Variants in ZFPL1 observed in about 807,000 individuals in gnomAD.
ZFPL1 encodes the protein zinc finger protein-like 1.
Under a neutral mutation model 32.0 loss-of-function variants are expected in ZFPL1, and 28 were observed. The ratio of observed to expected loss-of-function variants is 0.87; its 90% CI spans 0.65 to 1.20. The LOEUF is 1.20. ZFPL1 is among the 50% of genes most tolerant of loss of function. The pLI is 0.00. For synonymous variants in ZFPL1, 165 were observed against 177.0 expected (o/e 0.93, Z 0.54); for missense variants, 386 against 424.8 (o/e 0.91, Z 0.80).
intron 5 of ZFPL1, 22 bp downstream of exon 5, chr11:65,086,814 C>T (rs199991849): frequency 6.2e-7 from 1 of 1,614,116 alleles, no homozygotes. Context: ...CTTCCACCGA[C>T]TGTTTGGGCT....
In ZFPL1 at chr11:65,084,236, G is replaced by A; in HGVS notation, c.-151G>A. 3 of 582,482 alleles carry A rather than the reference G, an allele frequency of 5.2e-6. No homozygotes were observed. 36.1% of individuals were successfully genotyped at this position (582,482 alleles called of 1,614,324 possible). A position where few individuals can be genotyped will look rare whatever the true frequency, so the allele number is the denominator to read the frequency against. ...CCGCACCCGGAAGAGACGTGGCAGCGGAGGGATAATCGGGGCGGCCGGGGC... is the reference window on the plus strand; with the variant it reads ...CCGCACCCGGAAGAGACGTGGCAGCAGAGGGATAATCGGGGCGGCCGGGGC... On this transcript the variant is annotated 5_prime_UTR_variant, in exon 1 of 8. Coordinates refer to ENST00000294258, the MANE Select transcript of ZFPL1 (RefSeq NM_006782.4).
chr11:65,085,282 C>T (rs752291317), intron 3 of ZFPL1, 56 bp downstream of exon 3: 8 of 1,515,936 alleles, frequency 5.3e-6, no homozygotes, highest in East Asian at 2.3e-5. Flanking sequence ...AGCTTGGTGA[C>T]TGGTTTCCAG....
At position 65,084,703 on chromosome 11, in the gene ZFPL1, G is replaced by A; in HGVS notation, c.5G>A (p.Gly2Glu). The change falls in exon 2 of 8, where the codon GGG (glycine) becomes GAG (glutamate). Residue 2 changes from glycine to glutamate, a missense_variant. Gly to Glu is a moderately conservative substitution (Grantham distance 98, BLOSUM62 -2). Transcript: ENST00000294258. Reference sequence around the variant, plus strand: ...GCCCCTTTCCCAGGATCGATCATGGGGCTTTGTAAGTGCCCCAAGAGAAAG... The same window carrying A: ...GCCCCTTTCCCAGGATCGATCATGGAGCTTTGTAAGTGCCCCAAGAGAAAG... Reference protein sequence around the residue: MGLCKCPKRKVT... With the variant: MELCKCPKRKVT... The A allele has an allele frequency of 6.2e-7, 1 of 1,614,108 alleles. No homozygotes were observed. The highest frequency in any genetic ancestry group is 1.1e-5 in the South Asian group (1 of 91,072).
chr11:65,086,814 C>A (rs199991849), intron 5 of ZFPL1, 22 bp downstream of exon 5: 2 of 1,614,234 alleles, frequency 1.2e-6, no homozygotes, highest in East Asian at 2.2e-5. Flanking sequence ...CTTCCACCGA[C>A]TGTTTGGGCT....
At chr11:65,087,144 T>C in intron 6 of ZFPL1, 70 bp downstream of exon 6, 1 of 1,574,110 alleles carries the variant, frequency 6.4e-7, no homozygotes, top group Non-Finnish European at 8.6e-7. Context: ...AGGGGGAGCT[T>C]GAGGATCCAG....
At chr11:65,084,883 G>A (rs1181953252) in intron 2 of ZFPL1, 83 bp downstream of exon 2, 4 of 1,495,728 alleles carry the variant, frequency 2.7e-6, no homozygotes, top group East Asian at 2.3e-5. Flanking sequence ...GAGGGGCCCC[G>A]CGCTAGAATG....
chr11:65,086,890 T>C (rs758279887), intron 5 of ZFPL1, 38 bp from the exon 6 acceptor site: 1 of 1,613,304 alleles, frequency 6.2e-7, no homozygotes, highest in Non-Finnish European at 8.5e-7. Context: ...CTGAGCTCTA[T>C]GCACTGCTTC....
rs781356223 is a variant in ZFPL1, at chr11:65,085,206, C to T, written c.194C>T (p.Thr65Met). 2.2e-5 allele frequency: 35 copies of T among 1,613,968 alleles called. No homozygotes were observed. In the Admixed American group the frequency reaches 3.5e-4, roughly 16 times the overall value. ...LCNIPLASRE[T>M]TRLVCYDLFH... is the part of the protein sequence containing the mutation. ...AACATACCCCTGGCCAGCCGAGAGA[C>T]GACCCGCCTTGTCTGCTATGGTGAG... Residue 65 changes from threonine (T) to methionine (M), a missense_variant, in exon 3 of 8, where the codon ACG becomes ATG. Transcript: ENST00000294258.
intron 4 of ZFPL1, 26 bp downstream of exon 4, chr11:65,086,634 A>G (rs764399917): frequency 1.9e-6 from 3 of 1,613,560 alleles, no homozygotes; most frequent in African/African-American, 2.7e-5. Flanking sequence ...CTGTCTGACC[A>G]TCTATCTGCC....
chr11:65,084,290 A>G lies in ZFPL1; in HGVS notation c.-97A>G. 3 of 533,644 alleles carry G rather than the reference A, an allele frequency of 5.6e-6. No individual in the cohort carries two copies. The highest frequency in any genetic ancestry group is 1.0e-5 in the Non-Finnish European group (3 of 300,360). 33.1% of individuals were successfully genotyped at this position (533,644 alleles called of 1,614,324 possible). On this transcript the variant is annotated 5_prime_UTR_variant, in exon 1 of 8. Transcript: ENST00000294258. Reference sequence around the variant, plus strand: ...AGGGAGAGGCGCAGGAGCCCTGGGGAGAGTGGTCCCTGCCCTTCCGCGCCT... The same window carrying G: ...AGGGAGAGGCGCAGGAGCCCTGGGGGGAGTGGTCCCTGCCCTTCCGCGCCT...
At position 65,086,585 on chromosome 11, in the gene ZFPL1, C is replaced by G; in HGVS notation, c.385C>G (p.Arg129Gly). The change falls in exon 4 of 8, where the codon CGG (arginine) becomes GGG (glycine). Residue 129 changes from arginine (R) to glycine (G), a missense_variant. By Grantham distance (125) the Arg-to-Gly change is moderately radical. Transcript: ENST00000294258. ...GAAGCTGGCCACAGTCAACTGGGCC[C>G]GGGCAGGACTGGGCCTCCCTCTGGT... is the stretch of plus-strand genomic sequence containing the variant. ...REKLATVNWARAGLGLPLIDE... is the reference protein window; with the variant it reads ...REKLATVNWAGAGLGLPLIDE... 2 of 1,614,104 alleles carry G rather than the reference C, an allele frequency of 1.2e-6. No individual in the cohort carries two copies.
In ZFPL1 at chr11:65,087,300, T is replaced by C. The variant is rs760072455; in HGVS notation, c.629-16T>C. The C allele has an allele frequency of 6.2e-7, 1 of 1,610,160 alleles. No homozygotes were observed. Among genetic ancestry groups the C allele is most frequent in the Non-Finnish European group, 8.5e-7 (1 of 1,176,406 alleles). On this transcript the variant is annotated splice_polypyrimidine_tract_variant and intron_variant, in intron 6 of 7. Transcript: ENST00000294258. ...GTTTTCCTGAGTCTATTGATGCTAG[T>C]GGCTCCACCCTGTAGCCCCTAGGAA... is the stretch of plus-strand genomic sequence containing the variant.
chr11:65,087,615 G>C, intron 7 of ZFPL1, 182 bp downstream of exon 7: 1 of 653,568 alleles, frequency 1.5e-6, no homozygotes. Flanking sequence ...GCTTCTCTCT[G>C]GGACTGTCTC....
chr11:65,084,228 G>A lies in ZFPL1; in HGVS notation c.-159G>A. 1 of 583,868 alleles carries A rather than the reference G, an allele frequency of 1.7e-6. No individual in the cohort carries two copies. The allele number at this position is 583,868 out of a possible 1,614,324, so 36.2% of individuals were successfully genotyped here. A position where few individuals can be genotyped will look rare whatever the true frequency, so the allele number is the denominator to read the frequency against. ...AGCGCGCGCCGCACCCGGAAGAGAC[G>A]TGGCAGCGGAGGGATAATCGGGGCG... On this transcript the variant is annotated 5_prime_UTR_variant, in exon 1 of 8. It adds an upstream start codon to the 5' untranslated region. Coordinates refer to ENST00000294258, the MANE Select transcript of ZFPL1 (RefSeq NM_006782.4).
In ZFPL1 at chr11:65,087,916, T is replaced by C. The variant is rs1947695480; in HGVS notation, c.747-12T>C. 4.5e-6 allele frequency: 7 copies of C among 1,547,800 alleles called. No homozygotes were observed. Among genetic ancestry groups the C allele is most frequent in the Non-Finnish European group, 6.0e-6 (7 of 1,161,296 alleles). On this transcript the variant is annotated splice_polypyrimidine_tract_variant and intron_variant, in intron 7 of 7. Coordinates refer to ENST00000294258, the MANE Select transcript of ZFPL1 (RefSeq NM_006782.4). ...ACTGGGGCCTGACCTGATTTTCCCC[T>C]CATCCCCCCAGGAGCCGGGCTGGGT...
At chr11:65,086,223 T>C in intron 3 of ZFPL1, 192 bp from the exon 4 acceptor site, 1 of 775,226 alleles carries the variant, frequency 1.3e-6, no homozygotes, top group African/African-American at 1.7e-5. Flanking sequence ...GACAGCTTGG[T>C]AGCACCTGCC....
In ZFPL1 at chr11:65,086,976, C is replaced by T. The variant is rs1268483960; in HGVS notation, c.530C>T (p.Pro177Leu). 8 of 1,613,970 alleles carry T rather than the reference C, an allele frequency of 5.0e-6. No homozygotes were observed. Among genetic ancestry groups the T allele is most frequent in the African/African-American group, 2.7e-5 (2 of 74,918 alleles). The change falls in exon 6 of 8, where the codon CCA (proline) becomes CTA (leucine). Residue 177 changes from proline to leucine, a missense_variant. Pro to Leu is a moderately conservative substitution (Grantham distance 98). Coordinates refer to ENST00000294258, the MANE Select transcript of ZFPL1 (RefSeq NM_006782.4). ...GAGGTAGACAGCGCCTCTGCTGCCC[C>T]AGCCTTCTACAGCCAGGCCCCCCGG... ...PEEVDSASAA[P>L]AFYSQAPRPP...
chr11:65,085,182 A>G lies in ZFPL1; in HGVS notation c.170A>G (p.Asn57Ser). Reference sequence around the variant, plus strand: ...TACAACCCCAATTGCCGCCTGTGCAACATACCCCTGGCCAGCCGAGAGACG... The same window carrying G: ...TACAACCCCAATTGCCGCCTGTGCAGCATACCCCTGGCCAGCCGAGAGACG... Reference protein sequence around the residue: ...SDYNPNCRLCNIPLASRETTR... With the variant: ...SDYNPNCRLCSIPLASRETTR... The change falls in exon 3 of 8, where the codon AAC (asparagine) becomes AGC (serine). Residue 57 changes from asparagine (N) to serine (S), a missense_variant. By Grantham distance (46) the Asn-to-Ser change is conservative. Coordinates refer to ENST00000294258, the MANE Select transcript of ZFPL1 (RefSeq NM_006782.4). 1 of 1,614,086 alleles carries G rather than the reference A, an allele frequency of 6.2e-7. No homozygotes were observed. The highest frequency in any genetic ancestry group is 8.5e-7 in the Non-Finnish European group (1 of 1,179,998).
chr11:65,086,375 C>T (rs1947679229), intron 3 of ZFPL1, 40 bp from the exon 4 acceptor site: 1 of 1,613,082 alleles, frequency 6.2e-7, no homozygotes, highest in African/African-American at 1.3e-5. Context: ...TAAGTGTCTT[C>T]TTCCTCATGT....
Sources: allele counts gnomAD v4.1 joint callset, GRCh38; gene constraint gnomAD v4.1.1; transcripts MANE v1.5; gene names NCBI Gene and HGNC (gene_info 2026-07-23, HGNC 2026-07-21).